ZNF618: variants seen among roughly 807,000 people sequenced by gnomAD.
ZNF618 encodes the protein zinc finger protein 618.
Under a neutral mutation model 103.0 loss-of-function variants are expected in ZNF618, and 34 were observed. That is an observed-to-expected ratio of 0.33 (90% CI 0.25 to 0.44). The LOEUF (loss-of-function observed/expected upper bound fraction) is 0.44. Ranked by LOEUF, ZNF618 falls within the 20% of genes least tolerant of loss-of-function variation. The pLI is 1.00. For missense variants in ZNF618, 1,059 were observed against 1,295.4 expected, an observed-to-expected ratio of 0.82 and a Z score of 2.80; for synonymous variants, 551 against 542.2, an observed-to-expected ratio of 1.02 and a Z score of -0.23.
At chr9:113,937,072 T>TAA (rs1362167802) in intron 1 of ZNF618, among the ~76,000 whole-genome samples, 1 of 152,262 alleles carries the variant, frequency 6.6e-6, no homozygotes, top group East Asian at 1.9e-4. Context: ...AATAATGCTA[T>TAA]ATATGGATGA....
chr9:113,895,548 C>G (rs1829967040), intron 1 of ZNF618, among the ~76,000 whole-genome samples: 1 of 151,850 alleles, frequency 6.6e-6, no homozygotes, highest in African/African-American at 2.4e-5. Context: ...GGGGGTTATG[C>G]TAGTATAGGG....
chr9:113,989,183 A>G (rs1373033093), intron 3 of ZNF618, among the ~76,000 whole-genome samples: 1 of 152,166 alleles, frequency 6.6e-6, no homozygotes, highest in Non-Finnish European at 1.5e-5. Context: ...GGCCCAACAA[A>G]TATGTTTATT....
chr9:113,876,818 C>G (rs1409523476), intron 1 of ZNF618, among the ~76,000 whole-genome samples: 4 of 147,864 alleles, frequency 2.7e-5, no homozygotes, highest in East Asian at 2.1e-4. Context: ...GCTCGGGGTC[C>G]CCGATGACCC....
intron 1 of ZNF618, among the ~76,000 whole-genome samples, chr9:113,964,750 C>CTTTTTTTTTTT (rs765191153): frequency 1.0e-5 from 1 of 98,462 alleles, no homozygotes; most frequent in Non-Finnish European, 2.1e-5. Flanking sequence ...CTCCTTTCTG[C>CTTTTTTTTTTT]TTTTTTTTTT....
intron 1 of ZNF618, among the ~76,000 whole-genome samples, chr9:113,899,972 T>A (rs1294409508): frequency 6.6e-6 from 1 of 152,012 alleles, no homozygotes; most frequent in Non-Finnish European, 1.5e-5. Context: ...CTGCATTCAT[T>A]TTTTTTTGGT....
intron 9 of ZNF618, among the ~76,000 whole-genome samples, chr9:114,012,374 C>G (rs1379576607): frequency 6.6e-6 from 1 of 152,132 alleles, no homozygotes. Flanking sequence ...AGAGAGCAAG[C>G]TTTCTGGCCT....
chr9:113,894,373 A>C (rs955501145), intron 1 of ZNF618, among the ~76,000 whole-genome samples: 4 of 152,340 alleles, frequency 2.6e-5, no homozygotes, highest in African/African-American at 7.2e-5. Context: ...CTGAATCAAT[A>C]TGAATTTTGT....
intron 1 of ZNF618, among the ~76,000 whole-genome samples, chr9:113,954,454 G>A (rs187242812): frequency 1.2e-4 from 18 of 152,280 alleles, no homozygotes; most frequent in Admixed American, 1.0e-3. Context: ...TGTGTGGCCA[G>A]GCATCCATTT....
At chr9:113,910,803 A>G (rs1395381649) in intron 1 of ZNF618, among the ~76,000 whole-genome samples, 2 of 151,858 alleles carry the variant, frequency 1.3e-5, no homozygotes, top group Non-Finnish European at 2.9e-5. Context: ...ATGAATTCCA[A>G]GTTAGCATGG....
intron 1 of ZNF618, among the ~76,000 whole-genome samples, chr9:113,963,695 G>A (rs547001083): frequency 3.3e-5 from 5 of 152,344 alleles, no homozygotes; most frequent in Non-Finnish European, 5.9e-5. Context: ...GATTGCCAAT[G>A]CACCATTCAT....
At chr9:113,986,510 C>T (rs1406678324) in intron 2 of ZNF618, among the ~76,000 whole-genome samples, 1 of 152,206 alleles carries the variant, frequency 6.6e-6, no homozygotes, top group East Asian at 1.9e-4. Context: ...CGGTTGGGTT[C>T]TGGTGAGGGC....
intron 10 of ZNF618, among the ~76,000 whole-genome samples, chr9:114,017,207 C>T (rs1842722767): frequency 6.6e-6 from 1 of 152,200 alleles, no homozygotes; most frequent in African/African-American, 2.4e-5. Flanking sequence ...GCGTGGTTAA[C>T]TGGACAGGAA....
rs1846033741 is a variant in ZNF618 at position 114,050,243 on chromosome 9, A to G, written c.*76A>G. On this transcript the variant is annotated 3_prime_UTR_variant, in exon 15 of 15. Transcript: ENST00000374126. ...AAAACCACACAACACTGTCACAAAGAAAAGGAATTTAAGTTCTAAACACTG... is the reference window on the plus strand; with the variant it reads ...AAAACCACACAACACTGTCACAAAGGAAAGGAATTTAAGTTCTAAACACTG... 6.8e-7 allele frequency: 1 copy of G among 1,477,106 alleles called. No individual in the cohort carries two copies. Among genetic ancestry groups the G allele is most frequent in the Non-Finnish European group, 9.0e-7 (1 of 1,114,008 alleles). 91.5% of individuals were successfully genotyped at this position (1,477,106 alleles called of 1,614,324 possible).
chr9:113,952,635 A>G (rs895923393), intron 1 of ZNF618, among the ~76,000 whole-genome samples: 15 of 152,226 alleles, frequency 9.9e-5, no homozygotes, highest in African/African-American at 3.6e-4. Flanking sequence ...AACTAGCTGT[A>G]TGATTTTGGA....
intron 1 of ZNF618, among the ~76,000 whole-genome samples, chr9:113,947,398 CAT>C (rs1232583265): frequency 6.6e-6 from 1 of 152,118 alleles, no homozygotes; most frequent in Non-Finnish European, 1.5e-5. Flanking sequence ...CTGCTGAGCA[CAT>C]GTGATGGTGG....
intron 1 of ZNF618, among the ~76,000 whole-genome samples, chr9:113,959,774 A>AT (rs1252917134): frequency 2.6e-5 from 4 of 152,008 alleles, no homozygotes; most frequent in Non-Finnish European, 5.9e-5. Context: ...TGCCTGGCTA[A>AT]TTTTTTGTAT....
At chr9:113,915,786 A>G (rs966503469) in intron 1 of ZNF618, among the ~76,000 whole-genome samples, 5 of 152,270 alleles carry the variant, frequency 3.3e-5, no homozygotes, top group African/African-American at 9.6e-5. Flanking sequence ...GACAGATACT[A>G]GCTATTCTTG....
chr9:114,011,776 T>G (rs1842268376), intron 9 of ZNF618, among the ~76,000 whole-genome samples: 1 of 152,132 alleles, frequency 6.6e-6, no homozygotes. Flanking sequence ...ATTAGGTACT[T>G]AGGTTGGAAG....
At chr9:113,988,706 C>A in intron 3 of ZNF618, 126 bp downstream of exon 3, 2 of 1,363,440 alleles carry the variant, frequency 1.5e-6, no homozygotes, top group East Asian at 5.0e-5. Flanking sequence ...TGGCTTCCCT[C>A]TGCATTCAGG....
Sources: gnomAD v4.1 joint callset for allele counts (sites outside exome capture counted in the v4.1 genomes callset) on GRCh38, gnomAD v4.1.1 for gene constraint, MANE v1.5 for transcripts, NCBI Gene and HGNC (gene_info 2026-07-23, HGNC 2026-07-21) for gene names.